Variants in CADPS observed in about 807,000 individuals in gnomAD.
The protein encoded by CADPS is calcium dependent secretion activator.
In CADPS, 57 loss-of-function variants were observed where a neutral mutation model predicts 167.3. That is an observed-to-expected ratio of 0.34 (90% CI 0.28 to 0.42). The LOEUF (loss-of-function observed/expected upper bound fraction) is 0.42, where lower values mean the gene tolerates loss of function less well. CADPS is among the 20% of genes least tolerant of loss of function. CADPS has a pLI of 1.00. For synonymous variants in CADPS, 676 were observed against 635.3 expected (o/e 1.06, Z -0.96); for missense variants, 1,414 against 1,738.1 (o/e 0.81, Z 3.32).
intron 3 of CADPS, among the ~76,000 whole-genome samples, chr3:62,747,255 G>C (rs182917804): frequency 5.5e-4 from 84 of 152,272 alleles, no homozygotes; most frequent in African/African-American, 1.8e-3. Flanking sequence ...TTCAGTGAAA[G>C]ATCACTCATG....
At chr3:62,722,809 T>C (rs1168070546) in intron 3 of CADPS, among the ~76,000 whole-genome samples, 1 of 152,128 alleles carries the variant, frequency 6.6e-6, no homozygotes, top group Non-Finnish European at 1.5e-5. Context: ...AATTGTTTTT[T>C]GTGGGGGTGT....
At chr3:62,632,000 C>A (rs564701900) in intron 6 of CADPS, among the ~76,000 whole-genome samples, 7 of 152,144 alleles carry the variant, frequency 4.6e-5, no homozygotes, top group African/African-American at 1.7e-4. Flanking sequence ...TGGGGCAATG[C>A]CAATAATGAA....
intron 8 of CADPS, among the ~76,000 whole-genome samples, chr3:62,580,864 G>C (rs959162039): frequency 3.3e-5 from 5 of 152,140 alleles, no homozygotes; most frequent in South Asian, 4.1e-4. Flanking sequence ...GACCTAAATA[G>C]ACATAAAATT....
At chr3:62,674,512 G>C (rs2076045955) in intron 3 of CADPS, among the ~76,000 whole-genome samples, 1 of 152,114 alleles carries the variant, frequency 6.6e-6, no homozygotes, top group South Asian at 2.1e-4. Context: ...TCTTGATTAA[G>C]ACCTGTCAAA....
chr3:62,451,607 C>CAA (rs149815519), intron 26 of CADPS, among the ~76,000 whole-genome samples: 1 of 149,330 alleles, frequency 6.7e-6, no homozygotes, highest in Non-Finnish European at 1.5e-5. Flanking sequence ...TGATCTCTCA[C>CAA]AAAAAAAAAG....
At chr3:62,622,950 TAAC>T (rs2063422469) in intron 6 of CADPS, among the ~76,000 whole-genome samples, 1 of 152,206 alleles carries the variant, frequency 6.6e-6, no homozygotes, top group African/African-American at 2.4e-5. Flanking sequence ...TTTGCATTCT[TAAC>T]TACTTTTTAA....
At chr3:62,605,916 T>C (rs1048251517) in intron 6 of CADPS, among the ~76,000 whole-genome samples, 1 of 152,236 alleles carries the variant, frequency 6.6e-6, no homozygotes, top group African/African-American at 2.4e-5. Context: ...GCTTTTGTGT[T>C]TTCTCAGTCT....
intron 9 of CADPS, among the ~76,000 whole-genome samples, chr3:62,562,628 C>A (rs1327331621): frequency 6.6e-6 from 1 of 152,226 alleles, no homozygotes; most frequent in Non-Finnish European, 1.5e-5. Flanking sequence ...AGCCACTGCA[C>A]CTGGCCTTCT....
intron 17 of CADPS, chr3:62,500,085 C>T (rs901477214): frequency 2.0e-5 from 3 of 152,160 alleles, no homozygotes; most frequent in Admixed American, 6.6e-5. Context: ...CCAAAAATTA[C>T]AAACTTTTTT....
intron 26 of CADPS, among the ~76,000 whole-genome samples, chr3:62,463,974 G>A (rs969437851): frequency 2.6e-5 from 4 of 152,190 alleles, no homozygotes; most frequent in Non-Finnish European, 5.9e-5. Context: ...TAATGTATGG[G>A]TTGGGGAAAG....
chr3:62,595,426 G>C (rs889695396), intron 6 of CADPS, among the ~76,000 whole-genome samples: 1 of 152,030 alleles, frequency 6.6e-6, no homozygotes, highest in African/African-American at 2.4e-5. Context: ...TTCTGGCTTA[G>C]TCACTTGCAA....
chr3:62,589,555 C>A (rs550978801), intron 7 of CADPS, among the ~76,000 whole-genome samples: 1 of 152,078 alleles, frequency 6.6e-6, no homozygotes, highest in Admixed American at 6.5e-5. Flanking sequence ...CAACATGATT[C>A]CTGAAGTAAC....
chr3:62,554,304 G>C (rs577157693), intron 10 of CADPS, among the ~76,000 whole-genome samples: 5 of 152,120 alleles, frequency 3.3e-5, no homozygotes, highest in African/African-American at 1.2e-4. Flanking sequence ...AAATGAACAC[G>C]TCAAGGACCC....
chr3:62,606,791 G>A (rs1454575666), intron 6 of CADPS, among the ~76,000 whole-genome samples: 1 of 152,154 alleles, frequency 6.6e-6, no homozygotes, highest in African/African-American at 2.4e-5. Flanking sequence ...TCACCAATGT[G>A]AGCAAAGCCT....
At position 62,873,039 on chromosome 3, in the gene CADPS, A is replaced by C. The variant is rs1513136; in HGVS notation, c.441+1550T>G. On this transcript the variant is annotated intron_variant, in intron 1 of 29. Transcript: ENST00000383710. ...CCCAAAAACTTTTACTTCTCTGAGG[A>C]TACTTTTGCTCTACTGCAGTCAAAA... Among the ~76,000 whole-genome samples the C allele has an allele frequency of 2.9e-3, 436 of 152,356 alleles. 4 individuals carry two copies. Among genetic ancestry groups the C allele is most frequent in the African/African-American group, 9.9e-3 (411 of 41,578 alleles).
Position 62,399,452 on chromosome 3 carries a change from C to A in CADPS, c.4016G>T (p.Gly1339Val). 1 of 1,614,156 alleles carries A rather than the reference C, an allele frequency of 6.2e-7. No individual in the cohort carries two copies. Among genetic ancestry groups the A allele is most frequent in the Non-Finnish European group, 8.5e-7 (1 of 1,179,998 alleles). ...ASVSEGGGLQ[G>V]ISMKDSDEED... ...CTCATCGCTGTCCTTCATGCTGATG[C>A]CCTGCAGTCCCCCACCTTCACTCAC... Residue 1339 changes from glycine to valine, a missense_variant, in exon 30 of 30, where the codon GGC (glycine) becomes GTC (valine). This residue lies in a region of CADPS where 185 missense variants were observed against 251.5 expected (regional missense o/e 0.74). Coordinates refer to ENST00000383710, the MANE Select transcript of CADPS (RefSeq NM_003716.4). This position sits in a 1 kb window ranked among gnomAD's most constrained non-coding sequence, Gnocchi z 5.6.
chr3:62,538,266 A>G (rs761331132), intron 11 of CADPS, among the ~76,000 whole-genome samples: 2 of 152,022 alleles, frequency 1.3e-5, no homozygotes, highest in Admixed American at 6.6e-5. Context: ...ATGGCCAGGA[A>G]GTTGTTGCTC....
intron 6 of CADPS, 42 bp from the exon 7 acceptor site, chr3:62,592,790 T>C (rs764038667): frequency 1.4e-6 from 2 of 1,425,420 alleles, no homozygotes; most frequent in Admixed American, 1.7e-5. Flanking sequence ...CATATCTGCC[T>C]TGATGAGTCT....
intron 1 of CADPS, among the ~76,000 whole-genome samples, chr3:62,805,950 C>T (rs768270302): frequency 5.7e-4 from 87 of 152,286 alleles, no homozygotes; most frequent in Non-Finnish European, 9.7e-4. Flanking sequence ...ACCTCCTCCC[C>T]TGCCTCTGCA....
Sources: gnomAD v4.1 joint callset for allele counts (sites outside exome capture counted in the v4.1 genomes callset) on GRCh38, gnomAD v4.1.1 for gene constraint, gnomAD v4.1.1 regional missense constraint, Gnocchi (gnomAD v3.1) non-coding constraint, MANE v1.5 for transcripts, NCBI Gene and HGNC (gene_info 2026-07-23, HGNC 2026-07-21) for gene names.